Variants in BPTF observed in about 807,000 individuals in gnomAD.
The protein encoded by BPTF is bromodomain PHD finger transcription factor.
A neutral mutation model predicts 292.5 loss-of-function variants in BPTF; 18 were observed. That is an observed-to-expected ratio of 0.06 (90% CI 0.04 to 0.09). The LOEUF is 0.09. BPTF is among the 10% of genes least tolerant of loss of function. The probability of loss-of-function intolerance (pLI) is 1.00; values close to 1 mark genes in which losing one functional copy is unlikely to be tolerated. For missense variants in BPTF, 2,726 were observed against 3,498.7 expected, an observed-to-expected ratio of 0.78 and a Z score of 5.57; for synonymous variants, 1,225 against 1,251.9, an observed-to-expected ratio of 0.98 and a Z score of 0.45.
chr17:67,983,092 T>C lies in BPTF; in HGVS notation c.*804T>C, dbSNP rs2070594176. ...GTCAGATTCTAATTTTTTTCTTTTG[T>C]ATTAAAATTCAACTATGGATGTATA... is the stretch of plus-strand genomic sequence containing the variant. On this transcript the variant is annotated 3_prime_UTR_variant, in exon 28 of 28. Transcript: ENST00000306378. 1 of 152,520 alleles carries C rather than the reference T, an allele frequency of 6.6e-6. No individual in the cohort carries two copies. Among genetic ancestry groups the C allele is most frequent in the Non-Finnish European group, 1.5e-5 (1 of 68,036 alleles). The allele number at this position is 152,520 out of a possible 1,614,324, so 9.4% of individuals were successfully genotyped here.
At position 67,983,660 on chromosome 17, in the gene BPTF, G is replaced by A. The variant is rs1283569089; in HGVS notation, c.*1372G>A. ...TTACACGTTGTATCACTGCATTGTG[G>A]TAATAGCTTCTATAAAATCTGCCAT... On this transcript the variant is annotated 3_prime_UTR_variant, in exon 28 of 28. Transcript: ENST00000306378. 1 of 146,654 alleles carries A rather than the reference G, an allele frequency of 6.8e-6. No individual in the cohort carries two copies. The highest frequency in any genetic ancestry group is 1.5e-5 in the Non-Finnish European group (1 of 67,996). The allele number at this position is 146,654 out of a possible 1,614,324, so 9.1% of individuals were successfully genotyped here. A position where few individuals can be genotyped will look rare whatever the true frequency, so the allele number is the denominator to read the frequency against.
chr17:67,839,179 AGC>A (rs1217267876), intron 1 of BPTF, among the ~76,000 whole-genome samples: 29 of 152,190 alleles, frequency 1.9e-4, no homozygotes, highest in African/African-American at 7.0e-4. Context: ...CCACCTCCAA[AGC>A]AATGTTAAAT....
At chr17:67,928,150 C>T (rs991936426) in intron 15 of BPTF, among the ~76,000 whole-genome samples, 13 of 152,040 alleles carry the variant, frequency 8.6e-5, no homozygotes, top group Admixed American at 8.5e-4. Flanking sequence ...TCCCAGAGTG[C>T]TAGGATTACA....
intron 26 of BPTF, among the ~76,000 whole-genome samples, chr17:67,972,906 T>C (rs2068924013): frequency 1.3e-5 from 2 of 151,812 alleles, no homozygotes; most frequent in East Asian, 1.9e-4. Flanking sequence ...ACAGCATCGA[T>C]GTGCCAAGTC....
rs1423973767 is a variant in BPTF at position 67,826,002 on chromosome 17, G to C, written c.278G>C (p.Gly93Ala). ...CCCAGCACCAGCGCCCCGGGCCGGGGGGGGCGAGGAGGCGGGGGCGGCAGG... is the reference window on the plus strand; with the variant it reads ...CCCAGCACCAGCGCCCCGGGCCGGGCGGGGCGAGGAGGCGGGGGCGGCAGG... ...APPSTSAPGR[G>A]GRGGGGGRTG... The change falls in exon 1 of 28, where the codon GGG (glycine) becomes GCG (alanine). Residue 93 changes from glycine (G) to alanine (A), a missense_variant. This residue lies in a region of BPTF where 103 missense variants were observed against 72.1 expected (regional missense o/e 1.43). Coordinates refer to ENST00000306378, the MANE Select transcript of BPTF (RefSeq NM_182641.4). 4.3e-6 allele frequency: 5 copies of C among 1,158,574 alleles called. No homozygotes were observed. Among genetic ancestry groups the C allele is most frequent in the East Asian group, 3.9e-5 (1 of 25,764 alleles). The allele number at this position is 1,158,574 out of a possible 1,614,324, so 71.8% of individuals were successfully genotyped here. A position where few individuals can be genotyped will look rare whatever the true frequency, so the allele number is the denominator to read the frequency against.
chr17:67,858,197 A>G (rs1435242548), intron 2 of BPTF, among the ~76,000 whole-genome samples: 1 of 152,196 alleles, frequency 6.6e-6, no homozygotes, highest in Non-Finnish European at 1.5e-5. Flanking sequence ...TTTTAAATGT[A>G]TATTCTGTGT....
intron 26 of BPTF, among the ~76,000 whole-genome samples, chr17:67,971,514 T>C (rs1206296036): frequency 6.6e-6 from 1 of 151,490 alleles, no homozygotes; most frequent in Non-Finnish European, 1.5e-5. Context: ...ATTTTTAAAT[T>C]ACACTTTAGG....
chr17:67,849,802 A>G (rs8081856), intron 1 of BPTF, among the ~76,000 whole-genome samples: 46,341 of 151,964 alleles, frequency 0.3, 8,412 homozygotes, highest in East Asian at 0.66. Context: ...TTAGCCGGGC[A>G]TGGTGGTGGG....
At chr17:67,930,306 C>T (rs1232710821) in intron 17 of BPTF, among the ~76,000 whole-genome samples, 2 of 151,992 alleles carry the variant, frequency 1.3e-5, no homozygotes, top group East Asian at 3.9e-4. Flanking sequence ...TCAAGCGATT[C>T]TCCTGCCTCA....
At chr17:67,841,828 T>G (rs2057577862) in intron 1 of BPTF, among the ~76,000 whole-genome samples, 1 of 151,834 alleles carries the variant, frequency 6.6e-6, no homozygotes. Flanking sequence ...GATTTAGGTT[T>G]CCTATTTTAT....
At chr17:67,927,727 A>G (rs1012186635) in intron 15 of BPTF, among the ~76,000 whole-genome samples, 3 of 152,186 alleles carry the variant, frequency 2.0e-5, no homozygotes, top group African/African-American at 7.2e-5. Context: ...ATGTTTGTAC[A>G]AGCCAGAAAA....
At chr17:67,958,097 C>T (rs1346216502) in intron 23 of BPTF, among the ~76,000 whole-genome samples, 4 of 152,064 alleles carry the variant, frequency 2.6e-5, no homozygotes, top group Non-Finnish European at 5.9e-5. Context: ...TTTGGAAGGC[C>T]GAGGCAGGTC....
intron 7 of BPTF, among the ~76,000 whole-genome samples, chr17:67,895,392 A>G (rs1213933113): frequency 1.4e-5 from 2 of 146,542 alleles, no homozygotes; most frequent in Non-Finnish European, 3.0e-5. Flanking sequence ...AAGTACATTT[A>G]TGCCTACTAA....
intron 23 of BPTF, among the ~76,000 whole-genome samples, chr17:67,952,458 T>G (rs1376820318): frequency 6.6e-6 from 1 of 152,070 alleles, no homozygotes; most frequent in Non-Finnish European, 1.5e-5. Context: ...AGATGGGGTT[T>G]CACCATGTTA....
Position 67,959,625 on chromosome 17 carries a change from C to T in BPTF, c.8011C>T (p.Pro2671Ser), listed in dbSNP as rs1555682738. ...GGCCACAGCAGTAGCTGCACCCTGC[C>T]CCCCAGTGACACCAGCTCCTCCAGC... Reference protein sequence around the residue: ...AQATAVAAPCPPVTPAPPAPP... With the variant: ...AQATAVAAPCSPVTPAPPAPP... Residue 2671 changes from proline to serine, a missense_variant, in exon 24 of 28, where the codon CCC becomes TCC. Pro to Ser is a moderately conservative substitution (Grantham distance 74, BLOSUM62 -1). Transcript: ENST00000306378. 6.3e-7 allele frequency: 1 copy of T among 1,588,742 alleles called. No individual in the cohort carries two copies. Among genetic ancestry groups the T allele is most frequent in the Non-Finnish European group, 8.5e-7 (1 of 1,171,116 alleles).
intron 3 of BPTF, among the ~76,000 whole-genome samples, chr17:67,869,703 G>A (rs1213330731): frequency 4.6e-5 from 7 of 151,738 alleles, no homozygotes; most frequent in Admixed American, 6.6e-5. Context: ...AGTTAAACCG[G>A]CAGGGCACAG....
chr17:67,910,035 T>C (rs2062546108), intron 10 of BPTF, among the ~76,000 whole-genome samples: 1 of 152,136 alleles, frequency 6.6e-6, no homozygotes, highest in Admixed American at 6.5e-5. Context: ...TCCCAACCCC[T>C]CCCGAAAGTG....
chr17:67,843,522 A>G (rs2057745475), intron 1 of BPTF, among the ~76,000 whole-genome samples: 1 of 149,164 alleles, frequency 6.7e-6, no homozygotes, highest in Non-Finnish European at 1.5e-5. Flanking sequence ...ATGTATGTAG[A>G]TATATATCTA....
At chr17:67,956,505 A>T (rs2066951874) in intron 23 of BPTF, 2 of 151,792 alleles carry the variant, frequency 1.3e-5, no homozygotes, top group Non-Finnish European at 2.9e-5. Flanking sequence ...TTTAGTAGAG[A>T]TGGTGTTTCG....
Sources: gnomAD v4.1 joint callset for allele counts (sites outside exome capture counted in the v4.1 genomes callset) on GRCh38, gnomAD v4.1.1 for gene constraint, gnomAD v4.1.1 regional missense constraint, MANE v1.5 for transcripts, NCBI Gene and HGNC (gene_info 2026-07-23, HGNC 2026-07-21) for gene names.